Variants in GLT8D1 observed in about 807,000 individuals in gnomAD.
GLT8D1 encodes the protein glycosyltransferase 8 domain containing 1.
A neutral mutation model predicts 46.2 loss-of-function variants in GLT8D1; 41 were observed. The observed-to-expected ratio is 0.89, with a 90% CI of 0.69 to 1.15. The LOEUF (loss-of-function observed/expected upper bound fraction) is 1.15. Ranked by LOEUF, GLT8D1 falls within the 50% of genes most tolerant of loss-of-function variation. GLT8D1 has a pLI of 0.00. For synonymous variants in GLT8D1, 150 were observed against 154.2 expected (o/e 0.97, Z 0.20); for missense variants, 408 against 449.3 (o/e 0.91, Z 0.83).
Position 52,697,866 on chromosome 3 carries a change from TC to T in GLT8D1, c.183del (p.Arg62AspfsTer23). The T allele has an allele frequency of 6.2e-7, 1 of 1,613,824 alleles. No individual in the cohort carries two copies. Among genetic ancestry groups the T allele is most frequent in the East Asian group, 2.2e-5 (1 of 44,886 alleles). On this transcript the variant is annotated frameshift_variant, in exon 4 of 10. Coordinates refer to ENST00000266014, the MANE Select transcript of GLT8D1 (RefSeq NM_018446.4). LOFTEE classifies it high-confidence loss of function. ...ATGACCACAGGAATCTCCTCTTGTC[TC>T]CCATCTACTGCATGTCGGAGAGCAT... ...VPNALRHAVD[G>X]RQEEIPVVIA...
In GLT8D1 at chr3:52,697,834, T is replaced by C. The variant is rs1477225055; in HGVS notation, c.216A>G (p.Ala72=). 2 of 1,613,652 alleles carry C rather than the reference T, an allele frequency of 1.2e-6. No individual in the cohort carries two copies. Among genetic ancestry groups the C allele is most frequent in the Non-Finnish European group, 1.7e-6 (2 of 1,179,528 alleles). ...RQEEIPVVIA[A]SEDRLGGAIA... ...TGGCCCCCCCAAGCCTGTCTTCAGA[T>C]GCAGCGATGACCACAGGAATCTCCT... is the stretch of plus-strand genomic sequence containing the variant. Residue 72 remains alanine (A), a synonymous_variant, in exon 4 of 10, where the codon GCA becomes GCG. Coordinates refer to ENST00000266014, the MANE Select transcript of GLT8D1 (RefSeq NM_018446.4).
In GLT8D1 at chr3:52,695,167, T is replaced by C. The variant is rs367576319; in HGVS notation, c.925+23A>G. ...TAGATACCAATTCTTTACTAGCTTA[T>C]GCCACTGGTTAATTCTACTTACCAA... On this transcript the variant is annotated intron_variant, in intron 9 of 9. Transcript: ENST00000266014. 7.2e-5 allele frequency: 111 copies of C among 1,534,882 alleles called. No homozygotes were observed. In the African/African-American group the frequency reaches 1.3e-3, roughly 18 times the overall value.
chr3:52,697,565 C>T, intron 4 of GLT8D1, 156 bp downstream of exon 4: 1 of 644,868 alleles, frequency 1.6e-6, no homozygotes, highest in Non-Finnish European at 2.8e-6. Flanking sequence ...GCTCATAATA[C>T]AGTCCTAAAA....
chr3:52,698,044 TC>T (rs2154100337), intron 3 of GLT8D1, 110 bp from the exon 4 acceptor site: 1 of 708,076 alleles, frequency 1.4e-6, no homozygotes, highest in Non-Finnish European at 2.5e-6. Flanking sequence ...TACCTCATTC[TC>T]CCCCATTAAA....
In GLT8D1 at chr3:52,695,991, A is replaced by G; in HGVS notation, c.582T>C (p.Ala194=). 1 of 1,612,848 alleles carries G rather than the reference A, an allele frequency of 6.2e-7. No individual in the cohort carries two copies. The highest frequency in any genetic ancestry group is 8.5e-7 in the Non-Finnish European group (1 of 1,178,792). The change falls in exon 7 of 10, where the codon GCT becomes GCC. Residue 194 remains alanine (A), a synonymous_variant. Coordinates refer to ENST00000266014, the MANE Select transcript of GLT8D1 (RefSeq NM_018446.4). Reference sequence around the variant, plus strand: ...CTGAATCACAATCTTCTGAAAATGCAGCTGCATGTCCTGGCTTCAGTGCTG... The same window carrying G: ...CTGAATCACAATCTTCTGAAAATGCGGCTGCATGTCCTGGCTTCAGTGCTG... The part of the protein sequence containing the change: ...YNTALKPGHA[A]AFSEDCDSAS...
intron 4 of GLT8D1, among the ~76,000 whole-genome samples, chr3:52,696,988 T>A (rs2097334384): frequency 6.6e-6 from 1 of 152,248 alleles, no homozygotes; most frequent in African/African-American, 2.4e-5. Context: ...AAGAAAAAAC[T>A]GTTTGCTAAA....
rs2097330904 is a variant in GLT8D1, at chr3:52,694,597, CTTCT to C, written c.*244_*247del. The C allele has an allele frequency of 3.3e-6, 2 of 599,738 alleles. No homozygotes were observed. The highest frequency in any genetic ancestry group is 5.9e-6 in the Non-Finnish European group (2 of 337,982). 37.2% of individuals were successfully genotyped at this position (599,738 alleles called of 1,614,324 possible). A position where few individuals can be genotyped will look rare whatever the true frequency, so the allele number is the denominator to read the frequency against. On this transcript the variant is annotated 3_prime_UTR_variant, in exon 10 of 10. Transcript: ENST00000266014. The stretch of plus-strand genomic sequence containing the variant: ...GCTAGCTGAACTAGCCATATCAGTT[CTTCT>C]TTCCAGTCATTCAGCATTGTAGTAA...
At chr3:52,700,176 GGAA>G (rs2097338047) in intron 3 of GLT8D1, 83 bp downstream of exon 3, 4 of 814,794 alleles carry the variant, frequency 4.9e-6, no homozygotes, top group East Asian at 2.5e-5. Flanking sequence ...TAGTACTACC[GGAA>G]GAAGAACAAC....
intron 1 of GLT8D1, among the ~76,000 whole-genome samples, chr3:52,704,501 T>G (rs1402672068): frequency 6.9e-6 from 1 of 144,592 alleles, no homozygotes; most frequent in African/African-American, 2.5e-5. Context: ...CAGAGATATA[T>G]CTATTTATAC....
intron 3 of GLT8D1, among the ~76,000 whole-genome samples, chr3:52,698,702 G>A (rs1364778575): frequency 2.7e-5 from 4 of 150,114 alleles, no homozygotes; most frequent in African/African-American, 9.8e-5. Flanking sequence ...AAAGAAAACT[G>A]AATTAGAATA....
chr3:52,695,327 T>A (rs1198252632), intron 8 of GLT8D1, 25 bp from the exon 9 acceptor site: 1 of 1,594,026 alleles, frequency 6.3e-7, no homozygotes, highest in Non-Finnish European at 8.6e-7. Context: ...AAACAAATGT[T>A]TGTTAGTGAA....
chr3:52,698,213 T>C (rs2154100361), intron 3 of GLT8D1, among the ~76,000 whole-genome samples: 1 of 152,222 alleles, frequency 6.6e-6, no homozygotes, highest in South Asian at 2.1e-4. Flanking sequence ...GTATCAAGAG[T>C]TTCCTAAGGA....
chr3:52,701,971 C>T (rs1021275957), intron 1 of GLT8D1, among the ~76,000 whole-genome samples: 4 of 152,144 alleles, frequency 2.6e-5, no homozygotes, highest in African/African-American at 9.7e-5. Context: ...AGTACCCAAC[C>T]CTTACATAAG....
At chr3:52,700,384 TG>T (rs1561267536) in intron 2 of GLT8D1, 24 bp from the exon 3 acceptor site, 1 of 1,594,682 alleles carries the variant, frequency 6.3e-7, no homozygotes, top group South Asian at 1.1e-5. Context: ...GGAAAACCTA[TG>T]TTATACCTCT....
At position 52,696,020 on chromosome 3, in the gene GLT8D1, T is replaced by C. The variant is rs759996639; in HGVS notation, c.553A>G (p.Asn185Asp). The C allele has an allele frequency of 6.2e-7, 1 of 1,603,794 alleles. No homozygotes were observed. Residue 185 changes from asparagine (N) to aspartate (D), a missense_variant, in exon 7 of 10, where the codon AAT becomes GAT. Physicochemically the swap from Asn to Asp is conservative, Grantham distance 23 (BLOSUM62 1). Transcript: ENST00000266014. The stretch of plus-strand genomic sequence containing the variant: ...GCATGTCCTGGCTTCAGTGCTGTAT[T>C]GTAAAGGGCAAGAATATCACCTGAA... ...IVQGDILALY[N>D]TALKPGHAAA...
chr3:52,700,442 T>C lies in GLT8D1; in HGVS notation c.16+3A>G. ...AACAACTTAACTTGTAGAAAGAGCA[T>C]ACCTTTACGGAATGACATCTTTTTC... is the stretch of plus-strand genomic sequence containing the variant. On this transcript the variant is annotated splice_donor_region_variant and intron_variant, in intron 2 of 9. Transcript: ENST00000266014. 6.3e-7 allele frequency: 1 copy of C among 1,596,568 alleles called. No homozygotes were observed. The highest frequency in any genetic ancestry group is 8.6e-7 in the Non-Finnish European group (1 of 1,165,066).
In GLT8D1 at chr3:52,702,219, A is replaced by G. The variant is rs192936668; in HGVS notation, c.-36-1723T>C. On this transcript the variant is annotated intron_variant, in intron 1 of 9. Coordinates refer to ENST00000266014, the MANE Select transcript of GLT8D1 (RefSeq NM_018446.4). ...GCACTTAATTTCTCAAGGCCTTTGT[A>G]AAGAAGAGAAATATGTTGAAAAACT... Among the ~76,000 whole-genome samples the G allele has an allele frequency of 1.6e-3, 248 of 152,340 alleles. 1 individual carries two copies. Among genetic ancestry groups the G allele is most frequent in the Non-Finnish European group, 4.4e-4 (30 of 68,026 alleles).
chr3:52,700,600 G>A, intron 1 of GLT8D1, 104 bp from the exon 2 acceptor site: 1 of 561,462 alleles, frequency 1.8e-6, no homozygotes, highest in Non-Finnish European at 3.2e-6. Flanking sequence ...GAAACAAGAG[G>A]CATATACAGT....
intron 3 of GLT8D1, among the ~76,000 whole-genome samples, chr3:52,698,410 G>C (rs917676008): frequency 2.6e-5 from 4 of 152,166 alleles, no homozygotes; most frequent in Non-Finnish European, 2.9e-5. Context: ...GGCCGGGCAT[G>C]GTAGGTCACG....
Sources: gnomAD v4.1 joint callset for allele counts (sites outside exome capture counted in the v4.1 genomes callset) on GRCh38, gnomAD v4.1.1 for gene constraint, MANE v1.5 for transcripts, NCBI Gene and HGNC (gene_info 2026-07-23, HGNC 2026-07-21) for gene names.